The following USP53 variants were observed in gnomAD, a reference collection of about 807,000 sequenced individuals.
USP53 encodes ubiquitin carboxyl-terminal hydrolase 53.
In USP53, 71 loss-of-function variants were observed where a neutral mutation model predicts 94.9. The observed-to-expected ratio is 0.75, with a 90% CI of 0.62 to 0.91. The LOEUF is 0.91. Among genes scored for constraint, USP53 ranks in the 40% least tolerant of loss-of-function variants. USP53 has a pLI of 0.00. For synonymous variants in USP53, 375 were observed against 422.7 expected (o/e 0.89, Z 1.39); for missense variants, 1,173 against 1,281.0 (o/e 0.92, Z 1.29).
At chr4:119,274,253 C>G (rs1009982485) in intron 17 of USP53, among the ~76,000 whole-genome samples, 6 of 124,484 alleles carry the variant, frequency 4.8e-5, no homozygotes, top group Admixed American at 4.3e-4. Context: ...CCCCCTCCCC[C>G]CACCCCACCG....
intron 17 of USP53, among the ~76,000 whole-genome samples, chr4:119,289,783 A>G (rs1428141477): frequency 6.6e-6 from 1 of 152,228 alleles, no homozygotes; most frequent in East Asian, 1.9e-4. Context: ...TCTCAGATAT[A>G]AAGCACTTGT....
chr4:119,223,093 C>T (rs1744766875), intron 3 of USP53, among the ~76,000 whole-genome samples: 1 of 152,004 alleles, frequency 6.6e-6, no homozygotes. Flanking sequence ...TAACTAAAAC[C>T]TAAGAAGTTA....
chr4:119,271,976 A>T lies in USP53; in HGVS notation c.2116A>T (p.Ile706Phe), dbSNP rs774331034. 9 of 1,613,286 alleles carry T rather than the reference A, an allele frequency of 5.6e-6. 1 individual carries two copies. In the African/African-American group the frequency reaches 8.0e-5, roughly 14 times the overall value. Residue 706 changes from isoleucine (I) to phenylalanine (F), a missense_variant, in exon 16 of 19, where the codon ATC (isoleucine) becomes TTC (phenylalanine). By Grantham distance (21) the Ile-to-Phe change is conservative. Transcript: ENST00000692078. Reference sequence around the variant, plus strand: ...TTCTACTAATTTGGACTCACCTGTTATCGATGGAAATGGTACAGTAATGGA... The same window carrying T: ...TTCTACTAATTTGGACTCACCTGTTTTCGATGGAAATGGTACAGTAATGGA... ...NGSTNLDSPVIDGNGTVMDIS... is the reference protein window; with the variant it reads ...NGSTNLDSPVFDGNGTVMDIS...
rs146649483 is a variant in USP53 at position 119,233,677 on chromosome 4, T to G, written c.-664-1613T>G. Among the ~76,000 whole-genome samples the G allele has an allele frequency of 2.7e-3, 417 of 152,292 alleles. 1 individual carries two copies. Among genetic ancestry groups the G allele is most frequent in the African/African-American group, 9.7e-3 (403 of 41,564 alleles). On this transcript the variant is annotated intron_variant, in intron 3 of 18. Transcript: ENST00000692078. ...CAGTTTAAAAAATCTATACATATCT[T>G]CAATTGGTGAATATTATGTTTGTTT...
chr4:119,270,824 A>G (rs1290925043), intron 15 of USP53, among the ~76,000 whole-genome samples: 5 of 152,140 alleles, frequency 3.3e-5, no homozygotes, highest in African/African-American at 1.2e-4. Context: ...CTTCAGAGGA[A>G]TTTCTGGGTC....
At chr4:119,221,717 C>G (rs1256613296) in intron 3 of USP53, among the ~76,000 whole-genome samples, 1 of 152,060 alleles carries the variant, frequency 6.6e-6, no homozygotes, top group East Asian at 1.9e-4. Context: ...GGAGAAATAC[C>G]TTGGCTTCTC....
intron 3 of USP53, chr4:119,221,312 T>C (rs866680231): frequency 6.6e-6 from 1 of 152,070 alleles, no homozygotes; most frequent in Non-Finnish European, 1.5e-5. Context: ...CTCATACCTG[T>C]AATATCAGCA....
intron 3 of USP53, among the ~76,000 whole-genome samples, chr4:119,227,425 T>C (rs1483667785): frequency 2.0e-5 from 3 of 152,004 alleles, no homozygotes; most frequent in African/African-American, 4.8e-5. Context: ...GATCACGAGA[T>C]TGCGACCATC....
chr4:119,249,015 C>T (rs547909223), intron 7 of USP53, 133 bp downstream of exon 7: 2 of 1,092,960 alleles, frequency 1.8e-6, no homozygotes, highest in Non-Finnish European at 2.6e-6. Context: ...AGATCCATAT[C>T]TTACCCATCC....
At chr4:119,268,204 A>AG (rs1751416927) in intron 13 of USP53, 64 bp from the exon 14 acceptor site, 1 of 1,451,686 alleles carries the variant, frequency 6.9e-7, no homozygotes, top group South Asian at 1.4e-5. Flanking sequence ...TCTGAAAAAA[A>AG]TGATTCAAAC....
chr4:119,282,394 C>G (rs1447926480), intron 17 of USP53, among the ~76,000 whole-genome samples: 1 of 152,036 alleles, frequency 6.6e-6, no homozygotes, highest in Non-Finnish European at 1.5e-5. Flanking sequence ...AACTGCTGTA[C>G]TATTTTTACA....
chr4:119,281,152 A>G (rs1240017804), intron 17 of USP53, among the ~76,000 whole-genome samples: 2 of 152,248 alleles, frequency 1.3e-5, no homozygotes, highest in Non-Finnish European at 2.9e-5. Flanking sequence ...ATAACAGCCC[A>G]GAAGCAAAGA....
At chr4:119,278,390 G>A (rs1223731857) in intron 17 of USP53, among the ~76,000 whole-genome samples, 1 of 148,408 alleles carries the variant, frequency 6.7e-6, no homozygotes, top group Non-Finnish European at 1.5e-5. Context: ...GAAATTCTGG[G>A]TTGAAAATTC....
At chr4:119,246,891 T>C (rs561755037) in intron 6 of USP53, among the ~76,000 whole-genome samples, 1 of 152,370 alleles carries the variant, frequency 6.6e-6, no homozygotes, top group East Asian at 1.9e-4. Flanking sequence ...GATAAATGTT[T>C]CATTTTTTTA....
Position 119,248,732 on chromosome 4 carries a change from T to C in USP53, c.238-16T>C, listed in dbSNP as rs1184078201. 5.6e-6 allele frequency: 9 copies of C among 1,606,500 alleles called. No homozygotes were observed. On this transcript the variant is annotated splice_polypyrimidine_tract_variant and intron_variant, in intron 6 of 18. Transcript: ENST00000692078. ...AAGCTGGCATTAAACTTACTGATTTTCTTGTCGATTCCCAGACGATATTTG... is the reference window on the plus strand; with the variant it reads ...AAGCTGGCATTAAACTTACTGATTTCCTTGTCGATTCCCAGACGATATTTG...
At position 119,259,757 on chromosome 4, in the gene USP53, A is replaced by T. The variant is rs972727573; in HGVS notation, c.570-63A>T. 6 of 1,258,962 alleles carry T rather than the reference A, an allele frequency of 4.8e-6. No homozygotes were observed. The African/African-American group carries it at 9.0e-5, about 19-fold the overall frequency. 78.0% of individuals were successfully genotyped at this position (1,258,962 alleles called of 1,614,324 possible). ...CACATCTAAACTGACAATATTTTTC[A>T]TGTGTAATTTATTAAAGTTTTAAGT... On this transcript the variant is annotated intron_variant, in intron 9 of 18. Coordinates refer to ENST00000692078, the MANE Select transcript of USP53 (RefSeq NM_001371395.1).
chr4:119,268,602 T>G (rs1401999827), intron 14 of USP53, among the ~76,000 whole-genome samples, 182 bp downstream of exon 14: 3 of 152,230 alleles, frequency 2.0e-5, no homozygotes, highest in Admixed American at 2.0e-4. Flanking sequence ...CCAGTTTGAT[T>G]CCATGAGTTG....
chr4:119,261,827 C>A lies in USP53; in HGVS notation c.935C>A (p.Ser312Tyr). The A allele has an allele frequency of 1.3e-6, 2 of 1,499,472 alleles. No homozygotes were observed. The highest frequency in any genetic ancestry group is 1.8e-6 in the Non-Finnish European group (2 of 1,105,352). 92.9% of individuals were successfully genotyped at this position (1,499,472 alleles called of 1,614,324 possible). Residue 312 changes from serine (S) to tyrosine (Y), a missense_variant, in exon 12 of 19, where the codon TCC becomes TAC. By Grantham distance (144) the Ser-to-Tyr change is moderately radical. Transcript: ENST00000692078. ...GCCTTTGCATTTCACACCAAAAGTT[C>A]CAAATGGGTATTTTTTGATGATGCA... is the stretch of plus-strand genomic sequence containing the variant. ...YCAFAFHTKS[S>Y]KWVFFDDANV...
chr4:119,252,489 C>T (rs186248377), intron 7 of USP53, among the ~76,000 whole-genome samples: 12 of 152,118 alleles, frequency 7.9e-5, no homozygotes, highest in African/African-American at 2.9e-4. Flanking sequence ...GAAATTTATC[C>T]ATTTCTTCTA....
Sources: gnomAD v4.1 joint callset for allele counts (sites outside exome capture counted in the v4.1 genomes callset) on GRCh38, gnomAD v4.1.1 for gene constraint, MANE v1.5 for transcripts, NCBI Gene and HGNC (gene_info 2026-07-23, HGNC 2026-07-21) for gene names.